The following TRAPPC10 variants were observed in gnomAD, a reference collection of about 807,000 sequenced individuals.
TRAPPC10 encodes the protein trafficking protein particle complex subunit 10.
A neutral mutation model predicts 125.5 loss-of-function variants in TRAPPC10; 23 were observed. That is an observed-to-expected ratio of 0.18 (90% confidence interval 0.13 to 0.26). The LOEUF (loss-of-function observed/expected upper bound fraction) is 0.26, where lower values mean the gene tolerates loss of function less well. TRAPPC10 is among the 10% of genes least tolerant of loss of function. The pLI is 1.00. For missense variants in TRAPPC10, 1,123 were observed against 1,308.4 expected, an observed-to-expected ratio of 0.86 and a Z score of 2.19; for synonymous variants, 509 against 518.0, an observed-to-expected ratio of 0.98 and a Z score of 0.24.
intron 5 of TRAPPC10, among the ~76,000 whole-genome samples, chr21:44,057,421 C>G (rs2035689175): frequency 6.6e-6 from 1 of 151,848 alleles, no homozygotes; most frequent in Admixed American, 6.6e-5. Context: ...TGCCTCAGTC[C>G]CGAGTAGCTG....
chr21:44,056,137 C>G (rs764388904), intron 5 of TRAPPC10, among the ~76,000 whole-genome samples: 1 of 152,112 alleles, frequency 6.6e-6, no homozygotes, highest in Non-Finnish European at 1.5e-5. Flanking sequence ...GGAGCAGTTT[C>G]AGTGACAGAA....
intron 19 of TRAPPC10, 25 bp from the exon 20 acceptor site, chr21:44,094,038 C>A: frequency 6.2e-7 from 1 of 1,604,690 alleles, no homozygotes; most frequent in Non-Finnish European, 8.5e-7. Context: ...GCTGTGTGAG[C>A]AGTGACCCCC....
chr21:44,063,187 A>C lies in TRAPPC10; in HGVS notation c.791-351A>C, dbSNP rs1049950317. The C allele has an allele frequency of 1.1e-4, 145 of 1,287,592 alleles. No individual in the cohort carries two copies. The highest frequency in any genetic ancestry group is 1.4e-4 in the Non-Finnish European group (140 of 989,202). 79.8% of individuals were successfully genotyped at this position (1,287,592 alleles called of 1,614,324 possible). A position where few individuals can be genotyped will look rare whatever the true frequency, so the allele number is the denominator to read the frequency against. On this transcript the variant is annotated intron_variant, in intron 6 of 22. Transcript: ENST00000291574. The surrounding 1 kb of genome is among the most constrained non-coding windows in gnomAD (Gnocchi z 4.4). Reference sequence around the variant, plus strand: ...CCCACAGGTAAAGATAAGGAAGCCCAGCCCCGCTGCAGCCTAAGACTAGAG... The same window carrying C: ...CCCACAGGTAAAGATAAGGAAGCCCCGCCCCGCTGCAGCCTAAGACTAGAG...
chr21:44,089,333 C>T, intron 17 of TRAPPC10: 1 of 355,530 alleles, frequency 2.8e-6, no homozygotes, highest in South Asian at 2.1e-5. Context: ...TAGCTTTGTC[C>T]TCACTGTGCC....
chr21:44,014,629 A>C (rs1419188291), intron 1 of TRAPPC10, among the ~76,000 whole-genome samples: 1 of 144,362 alleles, frequency 6.9e-6, no homozygotes, highest in Non-Finnish European at 1.5e-5. Flanking sequence ...GAGTTTCACC[A>C]TGTTGGTGAG....
chr21:44,056,844 A>G (rs1353165963), intron 5 of TRAPPC10, among the ~76,000 whole-genome samples: 1 of 152,192 alleles, frequency 6.6e-6, no homozygotes, highest in Non-Finnish European at 1.5e-5. Flanking sequence ...TTTAGTTAAT[A>G]GTATTATACT....
chr21:44,012,708 CG>C (rs2031264036), intron 1 of TRAPPC10, 148 bp downstream of exon 1: 1 of 662,882 alleles, frequency 1.5e-6, no homozygotes, highest in East Asian at 3.7e-5. Flanking sequence ...GCGGCTGAGG[CG>C]GGGCCCTCTG....
At chr21:44,091,717 C>T (rs546080726) in intron 18 of TRAPPC10, 7 of 435,256 alleles carry the variant, frequency 1.6e-5, no homozygotes, top group East Asian at 1.0e-4. Flanking sequence ...GGATTACAGG[C>T]GTGAGCCACC....
At chr21:44,041,872 C>A (rs546225910) in intron 3 of TRAPPC10, among the ~76,000 whole-genome samples, 9 of 151,982 alleles carry the variant, frequency 5.9e-5, no homozygotes, top group African/African-American at 2.2e-4. Flanking sequence ...GTTACAGGCG[C>A]CTGCCACCAT....
chr21:44,048,497 TTTG>T (rs2035010226), intron 3 of TRAPPC10, among the ~76,000 whole-genome samples: 4 of 152,108 alleles, frequency 2.6e-5, no homozygotes, highest in Admixed American at 2.6e-4. Flanking sequence ...TGTTTGTTTG[TTTG>T]TTGTTGTTTT....
Position 44,083,125 on chromosome 21 carries a change from C to T in TRAPPC10, c.2061C>T (p.Asn687=), listed in dbSNP as rs1352742999. ...TGTTTGAGAGAAGCCCATCTGATAA[C>T]TCCTTGAACACGACTGGGATTATCT... ...YEMFERSPSD[N]SLNTTGIICR... The change falls in exon 14 of 23, where the codon AAC becomes AAT. Residue 687 remains asparagine (N), a synonymous_variant. Transcript: ENST00000291574. The T allele has an allele frequency of 1.2e-6, 2 of 1,614,190 alleles. No homozygotes were observed. Among genetic ancestry groups the T allele is most frequent in the Admixed American group, 1.7e-5 (1 of 60,026 alleles).
intron 1 of TRAPPC10, among the ~76,000 whole-genome samples, chr21:44,013,930 C>T (rs1487599911): frequency 1.3e-5 from 2 of 152,202 alleles, no homozygotes; most frequent in Non-Finnish European, 2.9e-5. Flanking sequence ...TCTGCAGGCC[C>T]TGCAATTTCC....
chr21:44,021,876 G>A (rs1172307841), intron 1 of TRAPPC10, among the ~76,000 whole-genome samples: 1 of 152,136 alleles, frequency 6.6e-6, no homozygotes, highest in East Asian at 1.9e-4. Context: ...GGCCTCACCA[G>A]AAACCTAATC....
In TRAPPC10 at chr21:44,094,242, T is replaced by C. The variant is rs2038775172; in HGVS notation, c.3168+9T>C. 2 of 1,545,588 alleles carry C rather than the reference T, an allele frequency of 1.3e-6. No homozygotes were observed. The highest frequency in any genetic ancestry group is 1.7e-6 in the Non-Finnish European group (2 of 1,154,262). The stretch of plus-strand genomic sequence containing the variant: ...AAGTGGAAAATTTTTTTGTAAGTGA[T>C]GTATTATTTTGGGAGGGTGGGGGTG... On this transcript the variant is annotated intron_variant, in intron 20 of 22. Coordinates refer to ENST00000291574, the MANE Select transcript of TRAPPC10 (RefSeq NM_003274.5).
intron 13 of TRAPPC10, among the ~76,000 whole-genome samples, chr21:44,080,618 A>G (rs1447826171): frequency 6.6e-6 from 1 of 150,850 alleles, no homozygotes; most frequent in Non-Finnish European, 1.5e-5. Flanking sequence ...GCTCACCACA[A>G]CCTCCGTCTC....
intron 1 of TRAPPC10, among the ~76,000 whole-genome samples, chr21:44,020,834 T>A (rs189403231): frequency 6.6e-6 from 1 of 152,218 alleles, no homozygotes; most frequent in African/African-American, 2.4e-5. Flanking sequence ...ATTTTGAAGT[T>A]GAGGAGCTGA....
intron 14 of TRAPPC10, among the ~76,000 whole-genome samples, chr21:44,083,788 G>A (rs2037928186): frequency 6.6e-6 from 1 of 152,340 alleles, no homozygotes; most frequent in African/African-American, 2.4e-5. Context: ...CCTGTGGAAA[G>A]TACAGCTATT....
intron 6 of TRAPPC10, among the ~76,000 whole-genome samples, chr21:44,061,557 G>A (rs2036059192): frequency 1.3e-5 from 2 of 152,170 alleles, no homozygotes; most frequent in South Asian, 2.1e-4. Flanking sequence ...GTGAGCCACC[G>A]CACCTGGCCT....
At chr21:44,017,333 G>A (rs1470223405) in intron 1 of TRAPPC10, among the ~76,000 whole-genome samples, 3 of 152,156 alleles carry the variant, frequency 2.0e-5, no homozygotes, top group Non-Finnish European at 4.4e-5. Flanking sequence ...ACCCTTAGCT[G>A]TGAAACGGGT....
Sources: allele counts gnomAD v4.1 joint callset (sites outside exome capture counted in the v4.1 genomes callset), GRCh38; gene constraint gnomAD v4.1.1; non-coding constraint Gnocchi (gnomAD v3.1); transcripts MANE v1.5; gene names NCBI Gene and HGNC (gene_info 2026-07-23, HGNC 2026-07-21).